Variants in PWWP2A observed in about 807,000 individuals in gnomAD.
PWWP2A encodes the protein PWWP domain-containing protein 2A.
In PWWP2A, 18 loss-of-function variants were observed where a neutral mutation model predicts 48.5. The observed-to-expected ratio is 0.37, with a 90% CI of 0.26 to 0.55. The LOEUF (loss-of-function observed/expected upper bound fraction) is 0.55. Ranked by LOEUF, PWWP2A falls within the 20% of genes least tolerant of loss-of-function variation. The pLI, the probability that PWWP2A is intolerant of heterozygous loss-of-function variation, is 0.81. For missense variants in PWWP2A, 867 were observed against 976.4 expected (o/e 0.89, Z 1.49); for synonymous variants, 396 against 387.7 (o/e 1.02, Z -0.25).
chr5:160,066,252 C>T (rs1007947992), intron 4 of PWWP2A, among the ~76,000 whole-genome samples: 40 of 144,720 alleles, frequency 2.8e-4, no homozygotes, highest in Non-Finnish European at 5.2e-4. Context: ...AGTCAGTGTT[C>T]GGTGCTTCCT....
intron 3 of PWWP2A, among the ~76,000 whole-genome samples, chr5:160,079,810 A>G (rs973109066): frequency 6.6e-6 from 1 of 152,080 alleles, no homozygotes; most frequent in African/African-American, 2.4e-5. Context: ...GGTAGCTACC[A>G]CTCCTACGCA....
chr5:160,099,190 T>A (rs1361503472), intron 1 of PWWP2A, among the ~76,000 whole-genome samples: 1 of 152,228 alleles, frequency 6.6e-6, no homozygotes, highest in Non-Finnish European at 1.5e-5. Flanking sequence ...AACAAGTGTT[T>A]AGGTGAAAGG....
downstream of PWWP2A, among the ~76,000 whole-genome samples, chr5:160,086,415 G>A (rs1754643641): frequency 6.6e-6 from 1 of 152,032 alleles, no homozygotes; most frequent in Non-Finnish European, 1.5e-5. Flanking sequence ...CAACTATGAG[G>A]CTGAGGCAGG....
chr5:160,105,009 A>G (rs529014545), intron 1 of PWWP2A, among the ~76,000 whole-genome samples: 58 of 152,294 alleles, frequency 3.8e-4, no homozygotes, highest in Middle Eastern at 6.8e-3. Context: ...CTGGAGGCCA[A>G]AGCAGGAGTA....
intron 1 of PWWP2A, among the ~76,000 whole-genome samples, chr5:160,104,176 G>C (rs951079527): frequency 7.4e-5 from 11 of 149,654 alleles, no homozygotes; most frequent in African/African-American, 2.5e-4. Context: ...CTGGCTGAGA[G>C]TGATAGCAAT....
downstream of PWWP2A, chr5:160,091,255 C>T (rs1755032962): frequency 1.0e-6 from 1 of 976,934 alleles, no homozygotes; most frequent in Non-Finnish European, 1.2e-6. Flanking sequence ...TTTGATTTTT[C>T]ATCTCTTCTA....
downstream of PWWP2A, among the ~76,000 whole-genome samples, chr5:160,059,126 A>C (rs994156875): frequency 2.0e-5 from 3 of 152,200 alleles, no homozygotes; most frequent in Non-Finnish European, 4.4e-5. Flanking sequence ...CTTTGAAGCC[A>C]GGCATTGAAT....
the PWWP2A span, among the ~76,000 whole-genome samples, chr5:160,045,511 CA>C: frequency 3.2e-5 from 2 of 62,668 alleles, no homozygotes; most frequent in Non-Finnish European, 3.1e-5. Flanking sequence ...CACACACACA[CA>C]CATACACACT....
At chr5:160,049,946 G>A in the PWWP2A span, among the ~76,000 whole-genome samples, 12 of 151,974 alleles carry the variant, frequency 7.9e-5, no homozygotes, top group South Asian at 2.1e-4. Flanking sequence ...GGGTGTGGTC[G>A]TACACATCTG....
intron 1 of PWWP2A, among the ~76,000 whole-genome samples, chr5:160,107,726 C>T (rs1451872561): frequency 1.3e-5 from 2 of 152,170 alleles, no homozygotes; most frequent in Non-Finnish European, 2.9e-5. Context: ...TCATCAGAAA[C>T]CCCAAGTCCA....
At chr5:160,045,943 A>C in the PWWP2A span, among the ~76,000 whole-genome samples, 1 of 152,020 alleles carries the variant, frequency 6.6e-6, no homozygotes, top group African/African-American at 2.4e-5. Context: ...GGGTTTCACC[A>C]TATTGGCCAG....
intron 4 of PWWP2A, chr5:160,064,984 G>A (rs373621862): frequency 5.6e-6 from 9 of 1,613,946 alleles, no homozygotes; most frequent in African/African-American, 1.3e-5. Flanking sequence ...GGCTCTCCAC[G>A]GAAAATTTCC....
At chr5:160,054,580 CAG>C in the PWWP2A span, among the ~76,000 whole-genome samples, 269 of 150,960 alleles carry the variant, frequency 1.8e-3, no homozygotes, top group African/African-American at 6.2e-3. Context: ...GCCTGGGCAA[CAG>C]AGCCAAGACC....
chr5:160,094,083 GA>G lies in PWWP2A; in HGVS notation c.585-19del. ...GCCCAAACCTTTGAAAGAAATGGAA[GA>G]AAAAAAGAAGACATTAAGTTAACAT... is the stretch of plus-strand genomic sequence containing the variant. On this transcript the variant is annotated intron_variant, in intron 1 of 1. Transcript: ENST00000307063. 6.5e-7 allele frequency: 1 copy of G among 1,547,648 alleles called. No homozygotes were observed. The highest frequency in any genetic ancestry group is 8.7e-7 in the Non-Finnish European group (1 of 1,144,650).
At chr5:160,099,557 G>A (rs1401440764) in intron 1 of PWWP2A, among the ~76,000 whole-genome samples, 1 of 152,054 alleles carries the variant, frequency 6.6e-6, no homozygotes, top group Non-Finnish European at 1.5e-5. Context: ...GAACTCCTGG[G>A]CTCAAGCAAT....
Position 160,118,828 on chromosome 5 carries a change from C to A in PWWP2A, c.561G>T (p.Gly187=). The A allele has an allele frequency of 6.4e-7, 1 of 1,564,604 alleles. No individual in the cohort carries two copies. The highest frequency in any genetic ancestry group is 1.8e-5 in the Admixed American group (1 of 54,178). Residue 187 remains glycine, a synonymous_variant, in exon 1 of 2, where the codon GGG becomes GGT. Coordinates refer to ENST00000307063, the MANE Select transcript of PWWP2A (RefSeq NM_001130864.2). ...ACCTTTTGGACAGATCCATGAGGAC[C>A]CCGGAGAAGAGCTTCTCCCCGAAGC... ...SFRFGEKLFS[G]VLMDLSKRFG... is the part of the protein sequence containing the mutation.
chr5:160,116,579 G>A (rs1182718491), intron 1 of PWWP2A: 1 of 673,450 alleles, frequency 1.5e-6, no homozygotes, highest in Non-Finnish European at 1.8e-6. Context: ...TCTAAGCACT[G>A]ATAGCATGAG....
chr5:160,095,261 A>G (rs1755515428), intron 1 of PWWP2A, among the ~76,000 whole-genome samples: 1 of 152,084 alleles, frequency 6.6e-6, no homozygotes, highest in South Asian at 2.1e-4. Context: ...TTACGGGTCC[A>G]GACTCTGTTT....
intron 1 of PWWP2A, among the ~76,000 whole-genome samples, chr5:160,111,734 G>A (rs1055234452): frequency 2.0e-5 from 3 of 152,186 alleles, no homozygotes; most frequent in Non-Finnish European, 4.4e-5. Context: ...AATGAGAACA[G>A]GAAAACCCAA....
Sources: allele counts gnomAD v4.1 joint callset (sites outside exome capture counted in the v4.1 genomes callset), GRCh38; gene constraint gnomAD v4.1.1; transcripts MANE v1.5; gene names NCBI Gene and HGNC (gene_info 2026-07-23, HGNC 2026-07-21).